Variants in CNTNAP5 observed in about 807,000 individuals in gnomAD.
CNTNAP5 encodes the protein contactin-associated protein-like 5.
Under a neutral mutation model 150.2 loss-of-function variants are expected in CNTNAP5, and 72 were observed. That is an observed-to-expected ratio of 0.48 (90% CI 0.40 to 0.58). The LOEUF (loss-of-function observed/expected upper bound fraction) is 0.58, where lower values mean the gene tolerates loss of function less well. CNTNAP5 is among the 20% of genes least tolerant of loss of function. The probability of loss-of-function intolerance (pLI) is 0.00; values close to 1 mark genes in which losing one functional copy is unlikely to be tolerated. For synonymous variants in CNTNAP5, 672 were observed against 619.8 expected, an observed-to-expected ratio of 1.08 and a Z score of -1.25; for missense variants, 1,636 against 1,626.2, an observed-to-expected ratio of 1.01 and a Z score of -0.10.
chr2:124,087,797 A>G lies in CNTNAP5; in HGVS notation c.82+62065A>G, dbSNP rs1323956834. 2.7e-5 allele frequency among the ~76,000 whole-genome samples: 4 copies of G among 149,196 alleles called. No individual in the cohort carries two copies. In the East Asian group the frequency reaches 7.7e-4, roughly 29 times the overall value. On this transcript the variant is annotated intron_variant, in intron 1 of 23. Coordinates refer to ENST00000682447, the MANE Select transcript of CNTNAP5 (RefSeq NM_001367498.1). ...TTTTTTCTGAACTCCATGGTTTCTG[A>G]TGGGAAACCTATTGTCACTTGATTT...
intron 11 of CNTNAP5, among the ~76,000 whole-genome samples, chr2:124,573,766 C>T (rs1462366401): frequency 1.3e-5 from 2 of 152,160 alleles, no homozygotes. Context: ...TGTGCCTCCA[C>T]TTTGAATCCA....
At chr2:124,166,466 A>G (rs1487368243) in intron 1 of CNTNAP5, among the ~76,000 whole-genome samples, 1 of 152,154 alleles carries the variant, frequency 6.6e-6, no homozygotes, top group Non-Finnish European at 1.5e-5. Context: ...TCTAGCCTTG[A>G]TTAAGTCTCT....
intron 13 of CNTNAP5, among the ~76,000 whole-genome samples, chr2:124,692,377 G>A (rs1274524471): frequency 1.3e-5 from 2 of 152,138 alleles, no homozygotes; most frequent in Non-Finnish European, 2.9e-5. Context: ...GGGGAGTTGA[G>A]TAGTTGTGTC....
intron 1 of CNTNAP5, among the ~76,000 whole-genome samples, chr2:124,193,979 C>G (rs549680578): frequency 2.2e-4 from 34 of 152,052 alleles, no homozygotes; most frequent in Non-Finnish European, 4.4e-5. Context: ...TGCTGTCCAC[C>G]AGCTCCAGGT....
chr2:124,166,838 T>G (rs1405182738), intron 1 of CNTNAP5, among the ~76,000 whole-genome samples: 3 of 152,158 alleles, frequency 2.0e-5, no homozygotes, highest in Non-Finnish European at 4.4e-5. Context: ...AGCTACAGAC[T>G]CAATCCTTTC....
At chr2:124,559,591 C>A (rs1325048108) in intron 10 of CNTNAP5, among the ~76,000 whole-genome samples, 1 of 152,134 alleles carries the variant, frequency 6.6e-6, no homozygotes. Context: ...GGATTAAGAG[C>A]CTTACACCTA....
At chr2:124,634,356 C>T (rs1677927951) in intron 12 of CNTNAP5, among the ~76,000 whole-genome samples, 1 of 152,208 alleles carries the variant, frequency 6.6e-6, no homozygotes, top group South Asian at 2.1e-4. Flanking sequence ...TCATCACTCT[C>T]AAATTCAAAA....
chr2:124,405,960 A>T (rs1231459413), intron 3 of CNTNAP5, among the ~76,000 whole-genome samples: 1 of 152,242 alleles, frequency 6.6e-6, no homozygotes, highest in Non-Finnish European at 1.5e-5. Flanking sequence ...CTTCTTATGT[A>T]CAAAGCACTG....
chr2:124,403,955 T>C (rs1217209530), intron 3 of CNTNAP5, among the ~76,000 whole-genome samples: 1 of 152,118 alleles, frequency 6.6e-6, no homozygotes, highest in Non-Finnish European at 1.5e-5. Flanking sequence ...AGCACGAGAA[T>C]AGCATGGAAA....
chr2:124,568,155 C>T (rs888688910), intron 11 of CNTNAP5, among the ~76,000 whole-genome samples: 6 of 152,104 alleles, frequency 3.9e-5, no homozygotes, highest in Non-Finnish European at 5.9e-5. Flanking sequence ...TTCATGACCT[C>T]TTTTATATTG....
intron 1 of CNTNAP5, among the ~76,000 whole-genome samples, chr2:124,204,597 CAT>C (rs1460720423): frequency 6.6e-5 from 10 of 152,204 alleles, no homozygotes; most frequent in Non-Finnish European, 1.5e-4. Context: ...TTAATGCACT[CAT>C]AGTTACATAT....
intron 2 of CNTNAP5, among the ~76,000 whole-genome samples, chr2:124,230,605 C>T (rs1449324923): frequency 6.6e-6 from 1 of 151,648 alleles, no homozygotes; most frequent in Non-Finnish European, 1.5e-5. Flanking sequence ...GATCTCGGCT[C>T]ACTGCAACCT....
intron 6 of CNTNAP5, among the ~76,000 whole-genome samples, chr2:124,453,611 G>T (rs894397516): frequency 6.6e-6 from 1 of 152,084 alleles, no homozygotes; most frequent in African/African-American, 2.4e-5. Context: ...ATGAAGGAAA[G>T]AATCTTAAGA....
rs112383811 is a variant in CNTNAP5 at position 124,096,410 on chromosome 2, C to T, written c.82+70678C>T. Among the ~76,000 whole-genome samples the T allele has an allele frequency of 7.4e-3, 1,127 of 152,212 alleles. 5 individuals carry two copies. Among genetic ancestry groups the T allele is most frequent in the African/African-American group, 0.025 (1,056 of 41,548 alleles). On this transcript the variant is annotated intron_variant, in intron 1 of 23. Coordinates refer to ENST00000682447, the MANE Select transcript of CNTNAP5 (RefSeq NM_001367498.1). ...TTCATCACTCTCATGCAAAAATTTTCAATAGCTCCTTCTTGCCAATTTAAT... is the reference window on the plus strand; with the variant it reads ...TTCATCACTCTCATGCAAAAATTTTTAATAGCTCCTTCTTGCCAATTTAAT...
intron 20 of CNTNAP5, among the ~76,000 whole-genome samples, chr2:124,867,945 C>T (rs948693039): frequency 6.6e-6 from 1 of 152,156 alleles, no homozygotes; most frequent in African/African-American, 2.4e-5. Flanking sequence ...CCCCTGCAAG[C>T]ATGTCCCAGT....
intron 4 of CNTNAP5, among the ~76,000 whole-genome samples, chr2:124,419,152 A>AAAAAAAAAC (rs1692013685): frequency 8.3e-6 from 1 of 120,996 alleles, no homozygotes; most frequent in African/African-American, 2.8e-5. Context: ...AAAAAAAAAA[A>AAAAAAAAAC]AAAAAAAAAA....
chr2:124,059,852 G>A (rs945374222), intron 1 of CNTNAP5, among the ~76,000 whole-genome samples: 1 of 152,070 alleles, frequency 6.6e-6, no homozygotes, highest in Non-Finnish European at 1.5e-5. Context: ...TGTATGCTCA[G>A]TATATAAAAA....
intron 3 of CNTNAP5, among the ~76,000 whole-genome samples, chr2:124,348,171 G>A (rs1233874596): frequency 6.6e-6 from 1 of 152,118 alleles, no homozygotes; most frequent in East Asian, 1.9e-4. Context: ...TTGTTAAAAC[G>A]CATTTTAATT....
intron 1 of CNTNAP5, among the ~76,000 whole-genome samples, chr2:124,217,018 T>C (rs1025727659): frequency 2.6e-5 from 4 of 152,122 alleles, no homozygotes; most frequent in Non-Finnish European, 5.9e-5. Context: ...AGTGTAAAAG[T>C]GTTCCTATCA....
Sources: allele counts gnomAD v4.1 joint callset (sites outside exome capture counted in the v4.1 genomes callset), GRCh38; gene constraint gnomAD v4.1.1; transcripts MANE v1.5; gene names NCBI Gene and HGNC (gene_info 2026-07-23, HGNC 2026-07-21).